The following SECISBP2L variants were observed in gnomAD, a reference collection of about 807,000 sequenced individuals.
SECISBP2L encodes the protein selenocysteine insertion sequence-binding protein 2-like.
A neutral mutation model predicts 114.7 loss-of-function variants in SECISBP2L; 43 were observed. That is an observed-to-expected ratio of 0.38 (90% CI 0.29 to 0.48). The LOEUF (loss-of-function observed/expected upper bound fraction) is 0.48. Among genes scored for constraint, SECISBP2L ranks in the 20% least tolerant of loss-of-function variants. The pLI is 0.98. For missense variants in SECISBP2L, 1,136 were observed against 1,301.1 expected, an observed-to-expected ratio of 0.87 and a Z score of 1.95; for synonymous variants, 451 against 439.7, an observed-to-expected ratio of 1.03 and a Z score of -0.32.
chr15:48,999,769 T>C (rs977775994), intron 16 of SECISBP2L, 64 bp downstream of exon 16: 79 of 1,560,812 alleles, frequency 5.1e-5, no homozygotes, highest in Non-Finnish European at 6.4e-5. Context: ...CATATGTCAA[T>C]CGAAAAATGT....
rs771485074 is a variant in SECISBP2L, at chr15:49,037,878, T to G, written c.25-109A>C. 1.7e-4 allele frequency: 125 copies of G among 724,126 alleles called. No individual in the cohort carries two copies. In the Middle Eastern group the frequency reaches 2.9e-3, roughly 17 times the overall value. The allele number at this position is 724,126 out of a possible 1,614,324, so 44.9% of individuals were successfully genotyped here. ...TCCTTATAAACAGTAATTAGGTCTC[T>G]TCTCAGCATTCATAAAACATCCAAA... On this transcript the variant is annotated intron_variant, in intron 1 of 17. Coordinates refer to ENST00000559471, the MANE Select transcript of SECISBP2L (RefSeq NM_001193489.2).
At position 49,001,072 on chromosome 15, in the gene SECISBP2L, C is replaced by A. The variant is rs1200559246; in HGVS notation, c.2053G>T (p.Glu685Ter). Residue 685 changes from glutamate to a stop codon, truncating the protein, a stop_gained, in exon 15 of 18, where the codon GAG becomes TAG. Transcript: ENST00000559471. LOFTEE classifies it high-confidence loss of function. ...REYCNQVLCK[E>*]IDECVTLLLQ... ...AGAAGAGTCACACATTCATCAATCT[C>A]TTTACAAAGAACCTGATTACAATAC... 6.2e-7 allele frequency: 1 copy of A among 1,611,584 alleles called. No individual in the cohort carries two copies. The highest frequency in any genetic ancestry group is 1.3e-5 in the African/African-American group (1 of 74,700).
At position 49,011,734 on chromosome 15, in the gene SECISBP2L, C is replaced by T. The variant is rs748028050; in HGVS notation, c.1861G>A (p.Glu621Lys). The T allele has an allele frequency of 6.2e-7, 1 of 1,613,962 alleles. No homozygotes were observed. Among genetic ancestry groups the T allele is most frequent in the South Asian group, 1.1e-5 (1 of 91,044 alleles). The change falls in exon 13 of 18, where the codon GAA becomes AAA. Residue 621 changes from glutamate to lysine, a missense_variant. Glu to Lys is a moderately conservative substitution (Grantham distance 56). Coordinates refer to ENST00000559471, the MANE Select transcript of SECISBP2L (RefSeq NM_001193489.2). ...DDLPQEIVSQ[E>K]DTGLSMPSDT... ...GGAGAAAGGGGGAGCTCCTTACCTT[C>T]CTGGGAAACAATCTCCTGTGGCAAG...
intron 1 of SECISBP2L, among the ~76,000 whole-genome samples, chr15:49,038,908 A>G (rs1338601021): frequency 2.0e-5 from 3 of 152,310 alleles, no homozygotes; most frequent in Non-Finnish European, 4.4e-5. Context: ...GGTGATATTT[A>G]TTAGAGGCTC....
At chr15:49,018,922 A>C (rs1020204162) in intron 8 of SECISBP2L, among the ~76,000 whole-genome samples, 1 of 152,208 alleles carries the variant, frequency 6.6e-6, no homozygotes, top group African/African-American at 2.4e-5. Flanking sequence ...CTTACTGCAC[A>C]CATATACTAG....
chr15:49,017,072 GA>G (rs1321227502), intron 9 of SECISBP2L, 57 bp from the exon 10 acceptor site: 7 of 1,552,866 alleles, frequency 4.5e-6, no homozygotes, highest in Non-Finnish European at 4.4e-6. Context: ...CAATCATAAG[GA>G]AAAAGGATCC....
chr15:49,003,196 T>C (rs1460080447), intron 14 of SECISBP2L, among the ~76,000 whole-genome samples: 2 of 152,258 alleles, frequency 1.3e-5, no homozygotes, highest in African/African-American at 4.8e-5. Flanking sequence ...CTAGGTATTT[T>C]ATTCTCTTTG....
intron 1 of SECISBP2L, among the ~76,000 whole-genome samples, chr15:49,043,963 C>T (rs6493347): frequency 1 from 151,812 of 151,972 alleles, 75,826 homozygotes; most frequent in Middle Eastern, 1. Context: ...AAAAAAAAAG[C>T]GTTTTTTTTT....
chr15:49,003,047 G>T (rs1902243394), intron 14 of SECISBP2L, among the ~76,000 whole-genome samples: 1 of 152,136 alleles, frequency 6.6e-6, no homozygotes, highest in African/African-American at 2.4e-5. Context: ...GGGCAGTATG[G>T]CCATTTTCAC....
At chr15:49,028,093 A>G (rs1181653055) in intron 6 of SECISBP2L, 51 bp downstream of exon 6, 2 of 1,514,704 alleles carry the variant, frequency 1.3e-6, no homozygotes, top group Admixed American at 2.2e-5. Flanking sequence ...GAAAACTCTG[A>G]TATGGACAAA....
chr15:49,018,564 C>G (rs892838201), intron 8 of SECISBP2L, among the ~76,000 whole-genome samples: 1 of 152,090 alleles, frequency 6.6e-6, no homozygotes, highest in Non-Finnish European at 1.5e-5. Flanking sequence ...CCACCACGCC[C>G]AGCATATTAT....
intron 11 of SECISBP2L, among the ~76,000 whole-genome samples, chr15:49,015,311 G>A (rs1419722399): frequency 6.6e-6 from 1 of 152,044 alleles, no homozygotes; most frequent in Non-Finnish European, 1.5e-5. Context: ...CTGCCACTCT[G>A]CCCATCTCAA....
chr15:49,021,401 A>C (rs2141074945), intron 7 of SECISBP2L, among the ~76,000 whole-genome samples: 1 of 152,372 alleles, frequency 6.6e-6, no homozygotes, highest in African/African-American at 2.4e-5. Flanking sequence ...AAGCATTCTA[A>C]GACTCTTAAG....
intron 1 of SECISBP2L, 50 bp from the exon 2 acceptor site, chr15:49,037,819 C>T: frequency 1.3e-6 from 2 of 1,490,972 alleles, no homozygotes; most frequent in Non-Finnish European, 1.8e-6. Flanking sequence ...AAGCAACTTC[C>T]TACAAATTCA....
Position 48,992,775 on chromosome 15 carries a change from A to G in SECISBP2L, c.2775T>C (p.Ala925=). 7 of 1,614,168 alleles carry G rather than the reference A, an allele frequency of 4.3e-6. No individual in the cohort carries two copies. The highest frequency in any genetic ancestry group is 5.9e-6 in the Non-Finnish European group (7 of 1,180,034). The change falls in exon 18 of 18, where the codon GCT becomes GCC. Residue 925 remains alanine (A), a synonymous_variant. Coordinates refer to ENST00000559471, the MANE Select transcript of SECISBP2L (RefSeq NM_001193489.2). The part of the protein sequence containing the change: ...PPIGKQPSLV[A]TGSTTSATSA... ...TTGTAGCTGAGGTAGTACTGCCTGT[A>G]GCCACTAATGATGGCTGCTTACCAA...
chr15:49,040,279 A>G lies in SECISBP2L; in HGVS notation c.25-2510T>C, dbSNP rs111423866. On this transcript the variant is annotated intron_variant, in intron 1 of 17. Coordinates refer to ENST00000559471, the MANE Select transcript of SECISBP2L (RefSeq NM_001193489.2). ...TCAGAGTTCAACAATAAAACTCACAAACACTAAAATGATCCTTTGTTTTTA... is the reference window on the plus strand; with the variant it reads ...TCAGAGTTCAACAATAAAACTCACAGACACTAAAATGATCCTTTGTTTTTA... 4.4e-3 allele frequency among the ~76,000 whole-genome samples: 674 copies of G among 152,270 alleles called. 7 individuals carry two copies. Among genetic ancestry groups the G allele is most frequent in the African/African-American group, 0.016 (646 of 41,546 alleles).
chr15:48,992,989 A>T, intron 17 of SECISBP2L, 63 bp from the exon 18 acceptor site: 1 of 1,329,260 alleles, frequency 7.5e-7, no homozygotes, highest in Non-Finnish European at 1.0e-6. Context: ...GCAACTCTTT[A>T]AAAACCCCCA....
chr15:49,013,519 T>C (rs934990159), intron 11 of SECISBP2L, among the ~76,000 whole-genome samples: 2 of 152,162 alleles, frequency 1.3e-5, no homozygotes, highest in Admixed American at 6.5e-5. Flanking sequence ...ATGGTCTCGA[T>C]CTCTTGACCT....
chr15:49,003,400 T>G (rs999723913), intron 14 of SECISBP2L, among the ~76,000 whole-genome samples: 1 of 152,210 alleles, frequency 6.6e-6, no homozygotes, highest in Non-Finnish European at 1.5e-5. Context: ...ACAATTTGAC[T>G]TCCTCTCTTT....
Sources: gnomAD v4.1 joint callset for allele counts (sites outside exome capture counted in the v4.1 genomes callset) on GRCh38, gnomAD v4.1.1 for gene constraint, MANE v1.5 for transcripts, NCBI Gene and HGNC (gene_info 2026-07-23, HGNC 2026-07-21) for gene names.